SOX6: variants seen among roughly 807,000 people sequenced by gnomAD.
SOX6 encodes the protein transcription factor SOX-6.
In SOX6, 11 loss-of-function variants were observed where a neutral mutation model predicts 97.8. That is an observed-to-expected ratio of 0.11 (90% CI 0.07 to 0.19). The LOEUF is 0.19. SOX6 is among the 10% of genes least tolerant of loss of function. The pLI, the probability that SOX6 is intolerant of heterozygous loss-of-function variation, is 1.00. For synonymous variants in SOX6, 360 were observed against 371.4 expected (o/e 0.97, Z 0.35); for missense variants, 810 against 1,039.5 (o/e 0.78, Z 3.04).
chr11:16,652,663 GAAGAT>G (rs1052301066), intron 3 of SOX6, among the ~76,000 whole-genome samples: 7 of 152,118 alleles, frequency 4.6e-5, no homozygotes, highest in Admixed American at 4.6e-4. Flanking sequence ...AAAAATTCTA[GAAGAT>G]AACATTGGTA....
At chr11:16,083,194 T>C (rs772861963) in intron 9 of SOX6, among the ~76,000 whole-genome samples, 3 of 152,200 alleles carry the variant, frequency 2.0e-5, no homozygotes, top group Non-Finnish European at 4.4e-5. Flanking sequence ...TTAACAATTA[T>C]CACATTGCTT....
At chr11:16,730,856 C>A (rs1379509842) in intron 2 of SOX6, among the ~76,000 whole-genome samples, 1 of 151,866 alleles carries the variant, frequency 6.6e-6, no homozygotes, top group African/African-American at 2.4e-5. Context: ...ACTAGCCAGA[C>A]TAATAAAGAA....
intron 3 of SOX6, among the ~76,000 whole-genome samples, chr11:16,265,393 C>T (rs1854052109): frequency 6.6e-6 from 1 of 151,754 alleles, no homozygotes; most frequent in Non-Finnish European, 1.5e-5. Flanking sequence ...TAGCATTAGA[C>T]TAGATAAATC....
intron 2 of SOX6, among the ~76,000 whole-genome samples, chr11:16,319,731 C>A (rs1047167034): frequency 6.6e-6 from 1 of 152,084 alleles, no homozygotes; most frequent in Non-Finnish European, 1.5e-5. Flanking sequence ...TGTTCTTAAT[C>A]CAGTCTATCA....
At chr11:16,258,000 TA>T (rs34303845) in intron 3 of SOX6, among the ~76,000 whole-genome samples, 118,519 of 151,570 alleles carry the variant, frequency 0.78, 46,475 homozygotes, top group Non-Finnish European at 0.8. Flanking sequence ...TAAAAGAATT[TA>T]AAAAAATGAC....
intron 2 of SOX6, among the ~76,000 whole-genome samples, chr11:16,325,927 T>A (rs575318725): frequency 1.3e-5 from 2 of 152,254 alleles, no homozygotes; most frequent in Admixed American, 6.5e-5. Context: ...AGTTTGTTGA[T>A]CCTGTCAAGG....
At chr11:16,189,824 A>G (rs1851583059) in intron 4 of SOX6, among the ~76,000 whole-genome samples, 1 of 152,190 alleles carries the variant, frequency 6.6e-6, no homozygotes, top group African/African-American at 2.4e-5. Flanking sequence ...TTTATTGGAT[A>G]TAGTGATAGT....
chr11:16,062,510 C>A (rs1201616527), intron 9 of SOX6, among the ~76,000 whole-genome samples: 2 of 151,666 alleles, frequency 1.3e-5, no homozygotes, highest in Non-Finnish European at 3.0e-5. Context: ...AAGCTTATGA[C>A]AGGCTTAGCC....
intron 6 of SOX6, among the ~76,000 whole-genome samples, chr11:16,145,258 T>C (rs1850260282): frequency 6.6e-6 from 1 of 152,196 alleles, no homozygotes; most frequent in Non-Finnish European, 1.5e-5. Context: ...ACCACATGAT[T>C]ATCTCAATAG....
intron 3 of SOX6, among the ~76,000 whole-genome samples, chr11:16,674,050 C>G (rs1055758413): frequency 1.2e-4 from 18 of 151,982 alleles, no homozygotes; most frequent in Admixed American, 9.8e-4. Flanking sequence ...ATTAGCCGGG[C>G]CTGGTGGCGG....
intron 3 of SOX6, among the ~76,000 whole-genome samples, chr11:16,240,582 T>C (rs983991865): frequency 2.6e-5 from 4 of 151,988 alleles, no homozygotes; most frequent in African/African-American, 9.7e-5. Flanking sequence ...AGTTATCTCT[T>C]TTATCTGCTT....
At chr11:16,498,804 T>C (rs1458840283) in intron 4 of SOX6, among the ~76,000 whole-genome samples, 1 of 152,186 alleles carries the variant, frequency 6.6e-6, no homozygotes, top group Non-Finnish European at 1.5e-5. Flanking sequence ...CCCAGATTCA[T>C]AAAGCAAGTC....
intron 1 of SOX6, among the ~76,000 whole-genome samples, chr11:16,736,626 C>G (rs1225155841): frequency 1.3e-5 from 2 of 152,138 alleles, no homozygotes; most frequent in African/African-American, 4.8e-5. Flanking sequence ...CCTATTCAGC[C>G]ATCTTATTTG....
intron 4 of SOX6, among the ~76,000 whole-genome samples, chr11:16,590,591 T>C (rs570901004): frequency 6.6e-6 from 1 of 152,136 alleles, no homozygotes; most frequent in Non-Finnish European, 1.5e-5. Flanking sequence ...GTGGTACATA[T>C]TCACAATGGA....
intron 15 of SOX6, among the ~76,000 whole-genome samples, chr11:15,978,679 C>T (rs1564890173): frequency 1.3e-5 from 2 of 149,424 alleles, no homozygotes; most frequent in African/African-American, 2.5e-5. Context: ...ATGCTGACAA[C>T]GTCCCAATTT....
At chr11:16,332,271 C>T (rs976490555) in intron 2 of SOX6, among the ~76,000 whole-genome samples, 1 of 151,974 alleles carries the variant, frequency 6.6e-6, no homozygotes, top group African/African-American at 2.4e-5. Flanking sequence ...TAACTCAGTG[C>T]TTATGCAAAA....
At chr11:16,184,226 G>T (rs1851413716) in intron 5 of SOX6, among the ~76,000 whole-genome samples, 1 of 152,080 alleles carries the variant, frequency 6.6e-6, no homozygotes, top group Non-Finnish European at 1.5e-5. Context: ...GAAATCATGG[G>T]ATTTTAGAAA....
intron 13 of SOX6, among the ~76,000 whole-genome samples, chr11:16,004,123 T>C (rs958574564): frequency 1.3e-5 from 2 of 151,872 alleles, no homozygotes; most frequent in African/African-American, 4.8e-5. Context: ...GCAGATTCAT[T>C]ATAAAATAGA....
intron 6 of SOX6, among the ~76,000 whole-genome samples, chr11:16,136,431 C>T (rs1455907678): frequency 1.4e-5 from 2 of 146,492 alleles, no homozygotes; most frequent in African/African-American, 5.0e-5. Flanking sequence ...GACAAGGTCT[C>T]ACTTCGTCAC....
Sources: allele counts gnomAD v4.1 joint callset (sites outside exome capture counted in the v4.1 genomes callset), GRCh38; gene constraint gnomAD v4.1.1; transcripts MANE v1.5; gene names NCBI Gene and HGNC (gene_info 2026-07-23, HGNC 2026-07-21).